The following GNG5 variants were observed in gnomAD, a reference collection of about 807,000 sequenced individuals.
GNG5 encodes the protein G protein subunit gamma 5.
In GNG5, 2 loss-of-function variants were observed where a neutral mutation model predicts 6.2. That is an observed-to-expected ratio of 0.32 (90% CI 0.13 to 1.01). GNG5 has a LOEUF of 1.01. GNG5 is among the 50% of genes least tolerant of loss of function. The pLI is 0.48. For synonymous variants in GNG5, 24 were observed against 33.0 expected (o/e 0.73, Z 0.93); for missense variants, 57 against 80.2 (o/e 0.71, Z 1.10).
At chr1:84,505,750 C>T (rs935992399) in intron 2 of GNG5, among the ~76,000 whole-genome samples, 2 of 152,192 alleles carry the variant, frequency 1.3e-5, no homozygotes, top group African/African-American at 4.8e-5. Context: ...GGAATGTCGG[C>T]CACGGTTCAA....
chr1:84,504,748 C>A (rs1275985683), intron 2 of GNG5, among the ~76,000 whole-genome samples: 1 of 152,092 alleles, frequency 6.6e-6, no homozygotes, highest in Non-Finnish European at 1.5e-5. Context: ...AAGGACTGGA[C>A]GTGAGGGGGA....
At chr1:84,500,008 C>G (rs1475423742) in intron 3 of GNG5, among the ~76,000 whole-genome samples, 1 of 152,092 alleles carries the variant, frequency 6.6e-6, no homozygotes, top group Non-Finnish European at 1.5e-5. Flanking sequence ...GGCAGGAGCA[C>G]TTGAACCTTG....
chr1:84,499,475 T>C (rs1001336357), intron 3 of GNG5, among the ~76,000 whole-genome samples: 10 of 152,212 alleles, frequency 6.6e-5, no homozygotes, highest in African/African-American at 1.2e-4. Flanking sequence ...AGAAACTTAA[T>C]AGAGGTACTA....
chr1:84,502,424 G>A (rs1029731899), intron 2 of GNG5, among the ~76,000 whole-genome samples: 3 of 152,026 alleles, frequency 2.0e-5, no homozygotes, highest in Non-Finnish European at 2.9e-5. Context: ...GAGCCACCAC[G>A]CCCAGCCTAG....
At chr1:84,506,378 T>A in intron 1 of GNG5, 58 bp downstream of exon 1, 1 of 292,736 alleles carries the variant, frequency 3.4e-6, no homozygotes, top group Non-Finnish European at 6.4e-6. Context: ...ACCCGACTCT[T>A]AAGTTTTCTT....
intron 2 of GNG5, among the ~76,000 whole-genome samples, chr1:84,505,616 T>C (rs1214882680): frequency 1.1e-4 from 17 of 152,190 alleles, no homozygotes; most frequent in Admixed American, 1.1e-3. Context: ...GAAAATACCC[T>C]GTCCGATGAG....
chr1:84,503,589 T>C (rs1682100460), intron 2 of GNG5: 1 of 152,186 alleles, frequency 6.6e-6, no homozygotes, highest in South Asian at 2.1e-4. Flanking sequence ...TCACCAAATA[T>C]TGTAATAGTG....
Position 84,506,187 on chromosome 1 carries a change from G to T in GNG5, c.-96C>A. ...CTCAGCGGCGCGCGGCGGGGGCGGG[G>T]CTCCGAACTTTGTCTCTAAGTTTCC... is the stretch of plus-strand genomic sequence containing the variant. On this transcript the variant is annotated 5_prime_UTR_variant, in exon 2 of 4. Coordinates refer to ENST00000370645, the MANE Select transcript of GNG5 (RefSeq NM_005274.3). The T allele has an allele frequency of 1.0e-6, 1 of 968,684 alleles. No individual in the cohort carries two copies. The highest frequency in any genetic ancestry group is 1.5e-6 in the Non-Finnish European group (1 of 681,092). The allele number at this position is 968,684 out of a possible 1,614,324, so 60.0% of individuals were successfully genotyped here. A position where few individuals can be genotyped will look rare whatever the true frequency, so the allele number is the denominator to read the frequency against.
At chr1:84,499,201 AACTT>A (rs1309078293) in intron 3 of GNG5, among the ~76,000 whole-genome samples, 1 of 152,252 alleles carries the variant, frequency 6.6e-6, no homozygotes, top group Non-Finnish European at 1.5e-5. Flanking sequence ...TGAGCATACT[AACTT>A]TAGGATTAGT....
intron 2 of GNG5, 121 bp from the exon 3 acceptor site, chr1:84,502,091 A>T: frequency 1.7e-6 from 1 of 588,526 alleles, no homozygotes; most frequent in Non-Finnish European, 3.0e-6. Context: ...TCAAAAGAAG[A>T]TACTATATAA....
rs1204604674 is a variant in GNG5, at chr1:84,501,920, T to C, written c.132A>G (p.Gln44=). The change falls in exon 3 of 4, where the codon CAA becomes CAG. Residue 44 remains glutamine, a synonymous_variant. Transcript: ENST00000370645. ...DLKQFCLQNA[Q]HDPLLTGVSS... ...ATACTCCAGTCAGCAGAGGGTCATG[T>C]TGAGCATTCTGCAGACAGAACTGTT... 1.2e-6 allele frequency: 2 copies of C among 1,605,706 alleles called. No homozygotes were observed. Among genetic ancestry groups the C allele is most frequent in the Non-Finnish European group, 1.7e-6 (2 of 1,172,484 alleles).
intron 2 of GNG5, among the ~76,000 whole-genome samples, chr1:84,505,579 G>T (rs891641045): frequency 6.6e-6 from 1 of 152,264 alleles, no homozygotes; most frequent in African/African-American, 2.4e-5. Flanking sequence ...TCAAATGGGA[G>T]AAAAGTCTGC....
chr1:84,499,861 A>G (rs938030045), intron 3 of GNG5, among the ~76,000 whole-genome samples: 24 of 152,268 alleles, frequency 1.6e-4, no homozygotes, highest in Middle Eastern at 6.8e-3. Flanking sequence ...CACGCCTGTA[A>G]TCTCAGCATT....
chr1:84,506,222 C>T lies in GNG5; in HGVS notation c.-131G>A, dbSNP rs2087738300. On this transcript the variant is annotated 5_prime_UTR_variant, in exon 2 of 4. Coordinates refer to ENST00000370645, the MANE Select transcript of GNG5 (RefSeq NM_005274.3). ...TTGTCTCTAAGTTTCCGGTTCTGTGCTCAGCGGCTCCACCCTCGGTGCGCA... is the reference window on the plus strand; with the variant it reads ...TTGTCTCTAAGTTTCCGGTTCTGTGTTCAGCGGCTCCACCCTCGGTGCGCA... The T allele has an allele frequency of 3.2e-6, 2 of 631,188 alleles. No individual in the cohort carries two copies. The highest frequency in any genetic ancestry group is 4.9e-6 in the Non-Finnish European group (2 of 405,204). 39.1% of individuals were successfully genotyped at this position (631,188 alleles called of 1,614,324 possible). A position where few individuals can be genotyped will look rare whatever the true frequency, so the allele number is the denominator to read the frequency against.
intron 3 of GNG5, among the ~76,000 whole-genome samples, chr1:84,501,574 C>T (rs553512015): frequency 6.6e-6 from 1 of 152,300 alleles, no homozygotes; most frequent in East Asian, 1.9e-4. Context: ...TTTGTAGTAA[C>T]TCTCCTATAC....
intron 3 of GNG5, among the ~76,000 whole-genome samples, 151 bp downstream of exon 3, chr1:84,501,675 A>G (rs1342128334): frequency 6.6e-6 from 1 of 152,226 alleles, no homozygotes; most frequent in East Asian, 1.9e-4. Flanking sequence ...AGCAAGTTTC[A>G]TGAATCCTCA....
chr1:84,500,124 G>T (rs1020677107), intron 3 of GNG5, among the ~76,000 whole-genome samples: 3 of 152,200 alleles, frequency 2.0e-5, no homozygotes, highest in African/African-American at 4.8e-5. Context: ...ATGCCACTCA[G>T]TGTAGGTCCA....
chr1:84,501,990 G>C lies in GNG5; in HGVS notation c.82-20C>G, dbSNP rs751317201. The C allele has an allele frequency of 6.2e-7, 1 of 1,600,814 alleles. No individual in the cohort carries two copies. Among genetic ancestry groups the C allele is most frequent in the South Asian group, 1.1e-5 (1 of 90,294 alleles). On this transcript the variant is annotated intron_variant, in intron 2 of 3. Coordinates refer to ENST00000370645, the MANE Select transcript of GNG5 (RefSeq NM_005274.3). Reference sequence around the variant, plus strand: ...GGAAACCTATACATAACAAAGAGGGGGGGAAGTGCCAGATGGTGAGAACAT... The same window carrying C: ...GGAAACCTATACATAACAAAGAGGGCGGGAAGTGCCAGATGGTGAGAACAT...
At chr1:84,503,217 G>A (rs1407907233) in intron 2 of GNG5, among the ~76,000 whole-genome samples, 1 of 152,182 alleles carries the variant, frequency 6.6e-6, no homozygotes, top group East Asian at 1.9e-4. Flanking sequence ...TTAAAAAGTG[G>A]GAGAAATACT....
Sources: allele counts gnomAD v4.1 joint callset (sites outside exome capture counted in the v4.1 genomes callset), GRCh38; gene constraint gnomAD v4.1.1; transcripts MANE v1.5; gene names NCBI Gene and HGNC (gene_info 2026-07-23, HGNC 2026-07-21).